SDC3: variants seen among roughly 807,000 people sequenced by gnomAD.
The protein encoded by SDC3 is syndecan-3.
Under a neutral mutation model 24.4 loss-of-function variants are expected in SDC3, and 13 were observed. That is an observed-to-expected ratio of 0.53 (90% confidence interval 0.35 to 0.85). The LOEUF is 0.85. Among genes scored for constraint, SDC3 ranks in the 40% least tolerant of loss-of-function variants. The pLI is 0.01. For synonymous variants in SDC3, 295 were observed against 260.9 expected, an observed-to-expected ratio of 1.13 and a Z score of -1.26; for missense variants, 571 against 584.5, an observed-to-expected ratio of 0.98 and a Z score of 0.24.
intron 2 of SDC3, chr1:30,878,184 T>A (rs1237596613): frequency 6.3e-6 from 1 of 158,500 alleles, no homozygotes; most frequent in Non-Finnish European, 1.4e-5. Context: ...GGTGCCCTTC[T>A]CTCCCGAGAT....
chr1:30,876,501 C>G (rs1017910785), intron 3 of SDC3, 51 bp downstream of exon 3: 3 of 1,434,314 alleles, frequency 2.1e-6, no homozygotes, highest in South Asian at 1.5e-5. Context: ...TCATCCCTCC[C>G]CTGACCCACC....
In SDC3 at chr1:30,908,411, G is replaced by A. The variant is rs778492527; in HGVS notation, c.138+38C>T. On this transcript the variant is annotated intron_variant, in intron 1 of 4. Coordinates refer to ENST00000339394, the MANE Select transcript of SDC3 (RefSeq NM_014654.4). ...GGCACCCCGCGCGGGGGGCGGCCCC[G>A]GGGAGCCGTGGCGGGGATCCGGGCG... 4.5e-3 allele frequency: 4,576 copies of A among 1,008,972 alleles called. 14 individuals are homozygous for A. The highest frequency in any genetic ancestry group is 5.0e-3 in the Non-Finnish European group (4,277 of 847,456). 62.5% of individuals were successfully genotyped at this position (1,008,972 alleles called of 1,614,324 possible).
At chr1:30,888,782 AG>A (rs1226168212) in intron 1 of SDC3, among the ~76,000 whole-genome samples, 1 of 152,170 alleles carries the variant, frequency 6.6e-6, no homozygotes, top group African/African-American at 2.4e-5. Context: ...CTCCTCTTCT[AG>A]GGACAGAACA....
At chr1:30,890,191 T>C (rs1197909272) in intron 1 of SDC3, among the ~76,000 whole-genome samples, 1 of 152,052 alleles carries the variant, frequency 6.6e-6, no homozygotes, top group Non-Finnish European at 1.5e-5. Flanking sequence ...GTGCCTGTAG[T>C]CCCAGCTATT....
chr1:30,893,162 C>G (rs1285533467), intron 1 of SDC3, among the ~76,000 whole-genome samples: 2 of 152,142 alleles, frequency 1.3e-5, no homozygotes, highest in Non-Finnish European at 2.9e-5. Flanking sequence ...GGGGAAGGTG[C>G]AGGGTCAGGG....
At chr1:30,874,013 G>A (rs756457627) in intron 4 of SDC3, among the ~76,000 whole-genome samples, 9 of 152,124 alleles carry the variant, frequency 5.9e-5, no homozygotes, top group Non-Finnish European at 1.0e-4. Flanking sequence ...TGTGGCCCAG[G>A]AAAGCAGGGA....
chr1:30,885,296 G>A (rs757906838), intron 1 of SDC3, among the ~76,000 whole-genome samples: 6 of 151,358 alleles, frequency 4.0e-5, no homozygotes, highest in Non-Finnish European at 7.4e-5. Context: ...CAAAAAATAT[G>A]TAGAACTTGA....
chr1:30,891,011 A>G (rs1010649658), intron 1 of SDC3, among the ~76,000 whole-genome samples: 22 of 152,186 alleles, frequency 1.4e-4, no homozygotes, highest in African/African-American at 5.3e-4. Flanking sequence ...CAGAGACTCC[A>G]GGGACTCCAG....
chr1:30,879,320 C>T (rs904749010), intron 1 of SDC3, among the ~76,000 whole-genome samples: 1 of 152,222 alleles, frequency 6.6e-6, no homozygotes, highest in Non-Finnish European at 1.5e-5. Context: ...AAAATGCACA[C>T]ACACACATAG....
intron 1 of SDC3, among the ~76,000 whole-genome samples, chr1:30,905,042 T>C (rs1303787574): frequency 6.6e-6 from 1 of 152,136 alleles, no homozygotes; most frequent in African/African-American, 2.4e-5. Flanking sequence ...ACAGGCAGCA[T>C]ACAGCTGTGG....
chr1:30,885,233 G>GTAAA (rs1639810974), intron 1 of SDC3, among the ~76,000 whole-genome samples: 1 of 152,188 alleles, frequency 6.6e-6, no homozygotes, highest in South Asian at 2.1e-4. Context: ...AAATTGCTCA[G>GTAAA]TAAATGCTGG....
In SDC3 at chr1:30,878,633, C is replaced by T. The variant is rs367636333; in HGVS notation, c.246G>A (p.Ser82=). ...DDELDDLYSG[S]GSGYFEQESG... Reference sequence around the variant, plus strand: ...GAGGGGGGTACTTACAGCCCGAGCCCGACCCCGAGTAGAGGTCATCCAGTT... The same window carrying T: ...GAGGGGGGTACTTACAGCCCGAGCCTGACCCCGAGTAGAGGTCATCCAGTT... The change falls in exon 2 of 5, where the codon TCG becomes TCA. Residue 82 remains serine, a synonymous_variant. Coordinates refer to ENST00000339394, the MANE Select transcript of SDC3 (RefSeq NM_014654.4). 1.5e-4 allele frequency: 243 copies of T among 1,613,334 alleles called. No homozygotes were observed. Among genetic ancestry groups the T allele is most frequent in the Non-Finnish European group, 1.9e-4 (220 of 1,179,352 alleles).
chr1:30,908,437 C>A lies in SDC3; in HGVS notation c.138+12G>T. 9.7e-7 allele frequency: 1 copy of A among 1,033,490 alleles called. No individual in the cohort carries two copies. The allele number at this position is 1,033,490 out of a possible 1,614,324, so 64.0% of individuals were successfully genotyped here. On this transcript the variant is annotated intron_variant, in intron 1 of 4. Coordinates refer to ENST00000339394, the MANE Select transcript of SDC3 (RefSeq NM_014654.4). ...GGGAGCCGTGGCGGGGATCCGGGCG[C>A]GTGTCACTCACCCCCGCGGCGCGCC...
At chr1:30,880,572 G>C (rs1557516977) in intron 1 of SDC3, 1 of 152,162 alleles carries the variant, frequency 6.6e-6, no homozygotes, top group Non-Finnish European at 1.5e-5. Flanking sequence ...TGTGCAGGGG[G>C]AGGAACGGCC....
chr1:30,876,757 G>T lies in SDC3; in HGVS notation c.665C>A (p.Ala222Glu), dbSNP rs1569992464. Residue 222 changes from alanine (A) to glutamate (E), a missense_variant, in exon 3 of 5, where the codon GCA becomes GAA. Physicochemically the swap from Ala to Glu is moderately radical, Grantham distance 107. This residue lies in a region of SDC3 where 497 missense variants were observed against 471.6 expected (regional missense o/e 1.05). Transcript: ENST00000339394. ...LPLPLTTVAT[A>E]RATTPEAPSP... is the part of the protein sequence containing the mutation. ...GGGCGCCTCGGGGGTAGTGGCCCGT[G>T]CCGTAGCCACTGTGGTCAGTGGGAG... The T allele has an allele frequency of 1.9e-6, 3 of 1,588,988 alleles. No individual in the cohort carries two copies. Among genetic ancestry groups the T allele is most frequent in the Non-Finnish European group, 2.6e-6 (3 of 1,166,920 alleles).
upstream of SDC3, among the ~76,000 whole-genome samples, chr1:30,908,986 G>C (rs955291983): frequency 6.6e-6 from 1 of 151,910 alleles, no homozygotes; most frequent in African/African-American, 2.4e-5. Flanking sequence ...GCCGATCCCG[G>C]GGCTGGAGGT....
intron 1 of SDC3, among the ~76,000 whole-genome samples, chr1:30,879,559 G>A (rs1043194852): frequency 6.6e-6 from 1 of 152,114 alleles, no homozygotes; most frequent in African/African-American, 2.4e-5. Context: ...TCCACAACCT[G>A]AACCAGCCAA....
At chr1:30,881,265 GAC>G (rs199672671) in intron 1 of SDC3, 70 of 150,318 alleles carry the variant, frequency 4.7e-4, no homozygotes, top group Admixed American at 3.7e-3. Flanking sequence ...GGTACTCACA[GAC>G]ACACACACAC....
Position 30,905,615 on chromosome 1 carries a change from A to T in SDC3, c.138+2834T>A, listed in dbSNP as rs1414853878. On this transcript the variant is annotated intron_variant, in intron 1 of 4. Transcript: ENST00000339394. ...ACTTTCACAAGGTCACACAGCCACA[A>T]GGTAGTGGTCTCCCATCACTGGGAG... Among the ~76,000 whole-genome samples, 6 of 152,016 alleles carry T rather than the reference A, an allele frequency of 3.9e-5. No individual in the cohort carries two copies. The East Asian group carries it at 1.2e-3, about 29-fold the overall frequency.
Sources: gnomAD v4.1 joint callset for allele counts (sites outside exome capture counted in the v4.1 genomes callset) on GRCh38, gnomAD v4.1.1 for gene constraint, gnomAD v4.1.1 regional missense constraint, MANE v1.5 for transcripts, NCBI Gene and HGNC (gene_info 2026-07-23, HGNC 2026-07-21) for gene names.